The following COL4A5 variants were observed in gnomAD, a reference collection of about 807,000 sequenced individuals.
The protein encoded by COL4A5 is collagen type IV alpha 5 chain.
Under a neutral mutation model 130.2 loss-of-function variants are expected in COL4A5, and 26 were observed. That is an observed-to-expected ratio of 0.20 (90% CI 0.15 to 0.28). COL4A5 has a LOEUF of 0.28. COL4A5 is among the 10% of genes least tolerant of loss of function. COL4A5 has a pLI of 1.00. For synonymous variants in COL4A5, 496 were observed against 439.6 expected (o/e 1.13, Z -1.60); for missense variants, 1,131 against 1,344.3 (o/e 0.84, Z 2.48).
intron 1 of COL4A5, among the ~76,000 whole-genome samples, chrX:108,513,360 A>G (rs1280565824): frequency 8.9e-6 from 1 of 111,927 alleles, no homozygotes; most frequent in Non-Finnish European, 1.9e-5. Context: ...CCATCAATCA[A>G]GTATGACAGT....
chrX:108,576,430 A>C (rs2066151359), intron 10 of COL4A5, among the ~76,000 whole-genome samples: 1 of 111,782 alleles, frequency 8.9e-6, no homozygotes, highest in African/African-American at 3.2e-5. Context: ...ATCACTATGC[A>C]ATTGGTCACA....
At chrX:108,657,620 G>T (rs1306191987) in intron 37 of COL4A5, among the ~76,000 whole-genome samples, 1 of 111,368 alleles carries the variant, frequency 9.0e-6, no homozygotes, top group Admixed American at 9.6e-5. Flanking sequence ...AAATGAACAT[G>T]TTATCTCTCC....
intron 1 of COL4A5, among the ~76,000 whole-genome samples, chrX:108,454,912 C>A (rs2064568972): frequency 9.0e-6 from 1 of 111,592 alleles, no homozygotes; most frequent in Admixed American, 9.6e-5. Flanking sequence ...CACGCCTGGC[C>A]TACTTCTATG....
chrX:108,626,553 C>T (rs1399906225), intron 36 of COL4A5: 1 of 1,136,794 alleles, frequency 8.8e-7, no homozygotes, highest in Admixed American at 2.7e-5. Flanking sequence ...AAAGGGAAAA[C>T]TTTCTGGTTT....
chrX:108,626,507 A>G, intron 36 of COL4A5, 158 bp downstream of exon 36: 3 of 1,156,833 alleles, frequency 2.6e-6, no homozygotes, highest in Non-Finnish European at 3.4e-6. Context: ...GATGATAAGA[A>G]GATATGTTTT....
chrX:108,588,239 T>C (rs748266809), intron 19 of COL4A5, among the ~76,000 whole-genome samples: 1 of 111,237 alleles, frequency 9.0e-6, no homozygotes, highest in South Asian at 3.8e-4. Context: ...ATTCAATAAA[T>C]TATTATTCCT....
intron 2 of COL4A5, among the ~76,000 whole-genome samples, chrX:108,553,204 A>G (rs935913926): frequency 1.8e-5 from 2 of 111,770 alleles, no homozygotes; most frequent in Non-Finnish European, 3.8e-5. Context: ...GATATCAAAA[A>G]CACGATCCAC....
rs369811304 is a variant in COL4A5 at position 108,621,929 on chromosome X, G to A, written c.2767+37G>A. 5 of 994,273 alleles carry A rather than the reference G, an allele frequency of 5.0e-6. No homozygotes were observed. The African/African-American group carries it at 9.4e-5, about 19-fold the overall frequency. The allele number at this position is 994,273 out of a possible 1,213,427, so 81.9% of individuals were successfully genotyped here. A position where few individuals can be genotyped will look rare whatever the true frequency, so the allele number is the denominator to read the frequency against. On this transcript the variant is annotated intron_variant, in intron 32 of 52. Coordinates refer to ENST00000328300, the MANE Select transcript of COL4A5 (RefSeq NM_033380.3). ...GGTTTGCTGCCAGACGTATGTGAGA[G>A]GGAAAATTAAATATAGCTTTATGTC...
chrX:108,681,303 T>C (rs1313213342), intron 46 of COL4A5, among the ~76,000 whole-genome samples: 1 of 110,846 alleles, frequency 9.0e-6, no homozygotes, highest in Non-Finnish European at 1.9e-5. Flanking sequence ...TTCTTTTTCC[T>C]AAGAGGCTTA....
intron 39 of COL4A5, among the ~76,000 whole-genome samples, 175 bp from the exon 40 acceptor site, chrX:108,666,958 C>A (rs1375968990): frequency 8.9e-6 from 1 of 112,022 alleles, no homozygotes; most frequent in Non-Finnish European, 1.9e-5. Context: ...ATGTTTAGAT[C>A]ATTTTCTCAT....
At chrX:108,630,172 C>T (rs891423171) in intron 36 of COL4A5, among the ~76,000 whole-genome samples, 1 of 111,817 alleles carries the variant, frequency 8.9e-6, no homozygotes, top group African/African-American at 3.3e-5. Flanking sequence ...GGTATATACC[C>T]AGTAATGGGA....
chrX:108,464,476 G>T (rs1489082354), intron 1 of COL4A5, among the ~76,000 whole-genome samples: 1 of 111,787 alleles, frequency 8.9e-6, no homozygotes, highest in African/African-American at 3.2e-5. Context: ...CTATAGGGAA[G>T]AACTGTTCAA....
At chrX:108,556,117 A>G (rs183985252) in intron 2 of COL4A5, among the ~76,000 whole-genome samples, 10 of 111,827 alleles carry the variant, frequency 8.9e-5, no homozygotes, top group Non-Finnish European at 9.4e-5. Flanking sequence ...TGGAGAAGAC[A>G]GTAGAACATG....
chrX:108,589,706 T>C (rs999616331), intron 19 of COL4A5, among the ~76,000 whole-genome samples: 2 of 111,645 alleles, frequency 1.8e-5, no homozygotes, highest in Admixed American at 9.5e-5. Flanking sequence ...GGAAAAACTT[T>C]TCTGGACATT....
At chrX:108,562,674 C>T (rs752343278) in intron 3 of COL4A5, among the ~76,000 whole-genome samples, 1 of 111,339 alleles carries the variant, frequency 9.0e-6, no homozygotes, top group Non-Finnish European at 1.9e-5. Flanking sequence ...CCATGTTTCC[C>T]CAAATGGCTG....
chrX:108,670,195 A>T lies in COL4A5; in HGVS notation c.3791-33A>T, dbSNP rs199888562. ...ATTTTTCCTTTTTGTTAATGATGAC[A>T]TTGGGCCTTGGTGAACTTTGATCCC... is the stretch of plus-strand genomic sequence containing the variant. On this transcript the variant is annotated intron_variant, in intron 41 of 52. Transcript: ENST00000328300. 24 of 1,204,773 alleles carry T rather than the reference A, an allele frequency of 2.0e-5. No individual in the cohort carries two copies. The Admixed American group carries it at 3.5e-4, about 18-fold the overall frequency.
At chrX:108,538,994 T>C (rs2065495236) in intron 1 of COL4A5, among the ~76,000 whole-genome samples, 1 of 111,358 alleles carries the variant, frequency 9.0e-6, no homozygotes, top group Non-Finnish European at 1.9e-5. Flanking sequence ...GAGCTATTAT[T>C]AGTGATGAAG....
At chrX:108,649,329 G>T (rs2067673432) in intron 36 of COL4A5, among the ~76,000 whole-genome samples, 1 of 111,269 alleles carries the variant, frequency 9.0e-6, no homozygotes, top group South Asian at 3.8e-4. Context: ...TGACCATACT[G>T]CCAAAAGCAG....
intron 1 of COL4A5, among the ~76,000 whole-genome samples, chrX:108,444,705 A>G (rs1009686490): frequency 1.8e-5 from 2 of 112,154 alleles, no homozygotes; most frequent in African/African-American, 6.5e-5. Flanking sequence ...AAATATATGT[A>G]TATATGCACA....
Sources: allele counts gnomAD v4.1 joint callset (sites outside exome capture counted in the v4.1 genomes callset), GRCh38; gene constraint gnomAD v4.1.1; transcripts MANE v1.5; gene names NCBI Gene and HGNC (gene_info 2026-07-23, HGNC 2026-07-21).